NCEH1: variants seen among roughly 807,000 people sequenced by gnomAD.
NCEH1 encodes the protein 2-acetyl MAGE hydrolase.
A neutral mutation model predicts 25.4 loss-of-function variants in NCEH1; 9 were observed. The ratio of observed to expected loss-of-function variants is 0.35; its 90% CI spans 0.21 to 0.62. NCEH1 has a LOEUF of 0.62. Among genes scored for constraint, NCEH1 ranks in the 20% least tolerant of loss-of-function variants. The pLI is 0.72. For missense variants in NCEH1, 412 were observed against 501.1 expected, an observed-to-expected ratio of 0.82 and a Z score of 1.70; for synonymous variants, 200 against 199.8, an observed-to-expected ratio of 1.00 and a Z score of -0.01.
chr3:172,674,534 T>C (rs988018742), intron 1 of NCEH1, among the ~76,000 whole-genome samples: 2 of 152,036 alleles, frequency 1.3e-5, no homozygotes, highest in Non-Finnish European at 2.9e-5. Flanking sequence ...TTTCTATCCT[T>C]TCCTGTCAAA....
chr3:172,692,630 G>C (rs1370998624), intron 1 of NCEH1, among the ~76,000 whole-genome samples: 1 of 152,222 alleles, frequency 6.6e-6, no homozygotes, highest in African/African-American at 2.4e-5. Context: ...CTCCTAGAGT[G>C]CTAGGATTAC....
rs368819783 is a variant in NCEH1 at position 172,709,292 on chromosome 3, T to C, written c.138+1555A>G. On this transcript the variant is annotated intron_variant, in intron 1 of 4. Coordinates refer to ENST00000475381, the MANE Select transcript of NCEH1 (RefSeq NM_020792.6). ...CTCTGCAGCCAACACAGCAGTTTGA[T>C]CTTTTTCCTGTTTTCCTCTGTTTAA... 9.8e-5 allele frequency among the ~76,000 whole-genome samples: 15 copies of C among 152,374 alleles called. No individual in the cohort carries two copies. In the East Asian group the frequency reaches 1.5e-3, roughly 16 times the overall value.
At chr3:172,699,870 G>GA (rs952879669) in intron 1 of NCEH1, among the ~76,000 whole-genome samples, 2 of 151,874 alleles carry the variant, frequency 1.3e-5, no homozygotes, top group African/African-American at 4.8e-5. Flanking sequence ...TCAAAACAAA[G>GA]AAAAAAACAC....
intron 1 of NCEH1, among the ~76,000 whole-genome samples, chr3:172,710,343 C>T (rs1433407007): frequency 1.3e-5 from 2 of 152,182 alleles, no homozygotes; most frequent in Non-Finnish European, 1.5e-5. Flanking sequence ...CTGCTGTCTC[C>T]GGGAACGGAG....
At chr3:172,710,113 T>G (rs1714215682) in intron 1 of NCEH1, among the ~76,000 whole-genome samples, 1 of 152,234 alleles carries the variant, frequency 6.6e-6, no homozygotes, top group South Asian at 2.1e-4. Flanking sequence ...TTAAGGCAGG[T>G]AACCTCGCTC....
At chr3:172,646,885 C>T (rs1237902844) in intron 2 of NCEH1, among the ~76,000 whole-genome samples, 1 of 152,040 alleles carries the variant, frequency 6.6e-6, no homozygotes, top group Non-Finnish European at 1.5e-5. Context: ...ATCCCTACAC[C>T]CGAGCACACC....
chr3:172,648,317 G>T (rs1308199542), intron 1 of NCEH1, among the ~76,000 whole-genome samples: 1 of 152,080 alleles, frequency 6.6e-6, no homozygotes, highest in African/African-American at 2.4e-5. Context: ...ATCTCCTCAG[G>T]TATCATCAGT....
chr3:172,665,564 G>A (rs1044568959), intron 1 of NCEH1, among the ~76,000 whole-genome samples: 4 of 152,346 alleles, frequency 2.6e-5, no homozygotes, highest in Non-Finnish European at 5.9e-5. Context: ...GCTGCCTTTT[G>A]TTCAGCTATG....
At chr3:172,634,584 C>G (rs1716521156) in intron 4 of NCEH1, among the ~76,000 whole-genome samples, 1 of 152,102 alleles carries the variant, frequency 6.6e-6, no homozygotes, top group African/African-American at 2.4e-5. Flanking sequence ...CATCTTCACG[C>G]TTGGTGAGAC....
At chr3:172,695,910 C>T (rs995283971) in intron 1 of NCEH1, among the ~76,000 whole-genome samples, 3 of 151,714 alleles carry the variant, frequency 2.0e-5, no homozygotes, top group Non-Finnish European at 4.4e-5. Context: ...CACCACTGCA[C>T]TCCAGCCTGG....
chr3:172,649,439 T>C (rs1717292438), intron 1 of NCEH1, among the ~76,000 whole-genome samples: 1 of 152,224 alleles, frequency 6.6e-6, no homozygotes, highest in South Asian at 2.1e-4. Flanking sequence ...AAATGAATAT[T>C]AAGAAAATTC....
At chr3:172,691,804 CG>C (rs1207433573) in intron 1 of NCEH1, among the ~76,000 whole-genome samples, 1 of 152,222 alleles carries the variant, frequency 6.6e-6, no homozygotes, top group African/African-American at 2.4e-5. Context: ...AAAAATTAGC[CG>C]GGCGTGGTGG....
intron 1 of NCEH1, among the ~76,000 whole-genome samples, chr3:172,682,536 A>T (rs988105720): frequency 2.0e-5 from 3 of 152,142 alleles, no homozygotes; most frequent in South Asian, 2.1e-4. Flanking sequence ...TTTCTGAGAA[A>T]CTGGATATGT....
In NCEH1 at chr3:172,630,777, C is replaced by G. The variant is rs747489166; in HGVS notation, c.*2698G>C. ...TATTAAAATCATTCATAAAATCTACCTTCCCCTTCGTAGTGGGAAATAAGC... is the reference window on the plus strand; with the variant it reads ...TATTAAAATCATTCATAAAATCTACGTTCCCCTTCGTAGTGGGAAATAAGC... On this transcript the variant is annotated 3_prime_UTR_variant, in exon 5 of 5. Coordinates refer to ENST00000475381, the MANE Select transcript of NCEH1 (RefSeq NM_020792.6). 2 of 151,996 alleles carry G rather than the reference C, an allele frequency of 1.3e-5. No homozygotes were observed. Among genetic ancestry groups the G allele is most frequent in the Non-Finnish European group, 2.9e-5 (2 of 67,992 alleles). The allele number at this position is 151,996 out of a possible 1,614,324, so 9.4% of individuals were successfully genotyped here.
intron 2 of NCEH1, among the ~76,000 whole-genome samples, chr3:172,647,622 C>T (rs369159110): frequency 7.9e-4 from 121 of 152,318 alleles, no homozygotes; most frequent in African/African-American, 2.8e-3. Context: ...TTACAACAGT[C>T]TACCTGAATT....
intron 1 of NCEH1, among the ~76,000 whole-genome samples, chr3:172,655,518 G>C (rs893165740): frequency 6.6e-6 from 1 of 152,206 alleles, no homozygotes; most frequent in Non-Finnish European, 1.5e-5. Context: ...TGGAGAAGGA[G>C]AGAGAGTTGG....
Position 172,679,585 on chromosome 3 carries a change from C to T in NCEH1, c.138+31262G>A, listed in dbSNP as rs79376754. Among the ~76,000 whole-genome samples the T allele has an allele frequency of 1.3e-4, 20 of 151,816 alleles. No individual in the cohort carries two copies. In the East Asian group the frequency reaches 3.9e-3, roughly 29 times the overall value. ...GACACCTAAACACGTACAGATAATA[C>T]AGGGGTTATTAACACATTATTTTAG... is the stretch of plus-strand genomic sequence containing the variant. On this transcript the variant is annotated intron_variant, in intron 1 of 4. Transcript: ENST00000475381.
chr3:172,667,290 G>T (rs1339197273), intron 1 of NCEH1, among the ~76,000 whole-genome samples: 1 of 152,242 alleles, frequency 6.6e-6, no homozygotes, highest in African/African-American at 2.4e-5. Context: ...TTTAAGTACG[G>T]AAGTTAACCA....
chr3:172,698,982 G>C (rs180995512), intron 1 of NCEH1, among the ~76,000 whole-genome samples: 2 of 152,314 alleles, frequency 1.3e-5, no homozygotes, highest in East Asian at 1.9e-4. Flanking sequence ...AAAGCAGTAA[G>C]AGGAAAATTA....
Sources: allele counts gnomAD v4.1 joint callset (sites outside exome capture counted in the v4.1 genomes callset), GRCh38; gene constraint gnomAD v4.1.1; transcripts MANE v1.5; gene names NCBI Gene and HGNC (gene_info 2026-07-23, HGNC 2026-07-21).